The following CNBD1 variants were observed in gnomAD, a reference collection of about 807,000 sequenced individuals.
CNBD1 encodes the protein cyclic nucleotide binding domain containing 1.
A neutral mutation model predicts 54.4 loss-of-function variants in CNBD1; 71 were observed. That is an observed-to-expected ratio of 1.30 (90% confidence interval 1.08 to 1.59). The LOEUF is 1.59. Ranked by LOEUF, CNBD1 falls within the 40% of genes most tolerant of loss-of-function variation. The pLI is 0.00. For synonymous variants in CNBD1, 182 were observed against 170.7 expected (o/e 1.07, Z -0.51); for missense variants, 659 against 518.0 (o/e 1.27, Z -2.64).
chr8:87,190,886 CGTATAT>C (rs1813592051), intron 4 of CNBD1, among the ~76,000 whole-genome samples: 1 of 132,174 alleles, frequency 7.6e-6, no homozygotes, highest in Admixed American at 7.5e-5. Flanking sequence ...GATACATGTA[CGTATAT>C]CTATTTAGAT....
intron 1 of CNBD1, among the ~76,000 whole-genome samples, chr8:86,871,338 T>C (rs1457743760): frequency 6.6e-6 from 1 of 152,224 alleles, no homozygotes; most frequent in Non-Finnish European, 1.5e-5. Context: ...TTCAGACAAC[T>C]GAAGATGCTG....
At position 87,393,624 on chromosome 8, in the gene CNBD1, G is replaced by C. The variant is rs571695146; in HGVS notation, c.214-34922G>C. Among the ~76,000 whole-genome samples, 4 of 151,894 alleles carry C rather than the reference G, an allele frequency of 2.6e-5. No individual in the cohort carries two copies. The South Asian group carries it at 8.3e-4, about 32-fold the overall frequency. ...AATAAAAAGTAAGTGACAACCAAAT[G>C]ATAGAAATATAAAAGTACAAAGAGA... On this transcript the variant is annotated intron_variant, in intron 2 of 7. Coordinates refer to the CNBD1 transcript ENST00000521593.
intron 4 of CNBD1, among the ~76,000 whole-genome samples, chr8:87,185,265 T>A (rs1813449935): frequency 6.6e-6 from 1 of 152,244 alleles, no homozygotes; most frequent in Non-Finnish European, 1.5e-5. Context: ...TTTCTATTTT[T>A]CTATCAATTC....
At chr8:87,313,417 G>C (rs1809311565) in intron 8 of CNBD1, among the ~76,000 whole-genome samples, 1 of 152,008 alleles carries the variant, frequency 6.6e-6, no homozygotes, top group South Asian at 2.1e-4. Flanking sequence ...TTACACTCAA[G>C]AAGTACTGTG....
At chr8:87,244,939 A>T (rs980573368) in intron 6 of CNBD1, among the ~76,000 whole-genome samples, 1 of 152,282 alleles carries the variant, frequency 6.6e-6, no homozygotes, top group South Asian at 2.1e-4. Flanking sequence ...ATCTAAACTG[A>T]TGTTTAAAAT....
chr8:86,977,261 A>AATGAAGTTTTC (rs58114759), intron 4 of CNBD1, among the ~76,000 whole-genome samples: 3 of 151,918 alleles, frequency 2.0e-5, no homozygotes, highest in East Asian at 3.9e-4. Flanking sequence ...TTCTCAGGCT[A>AATGAAGTTTTC]TGCCATTATT....
chr8:87,261,919 G>A (rs1405521354), intron 6 of CNBD1, among the ~76,000 whole-genome samples: 2 of 152,060 alleles, frequency 1.3e-5, no homozygotes, highest in African/African-American at 4.8e-5. Context: ...GCTGAGGCAG[G>A]GAGATTGCTT....
chr8:86,937,958 C>A (rs1196002519), intron 3 of CNBD1, among the ~76,000 whole-genome samples: 1 of 152,152 alleles, frequency 6.6e-6, no homozygotes, highest in Non-Finnish European at 1.5e-5. Flanking sequence ...CTCTGCTTCC[C>A]TTTTAAACAT....
intron 4 of CNBD1, among the ~76,000 whole-genome samples, chr8:87,075,855 G>T (rs1353095567): frequency 5.3e-5 from 8 of 152,174 alleles, no homozygotes; most frequent in Non-Finnish European, 8.8e-5. Context: ...TGCCTAGACT[G>T]AACCCCTGGG....
intron 4 of CNBD1, among the ~76,000 whole-genome samples, chr8:86,950,218 G>A (rs371012997): frequency 1.5e-4 from 22 of 151,300 alleles, no homozygotes; most frequent in African/African-American, 3.6e-4. Flanking sequence ...GTGCCACCAC[G>A]CCTGGCAAAT....
At chr8:87,240,391 A>G (rs1807669958) in intron 6 of CNBD1, among the ~76,000 whole-genome samples, 1 of 152,282 alleles carries the variant, frequency 6.6e-6, no homozygotes, top group South Asian at 2.1e-4. Flanking sequence ...AAATTATAAA[A>G]TAGTAATTTT....
At chr8:87,367,981 G>C (rs1328005078) in intron 10 of CNBD1, among the ~76,000 whole-genome samples, 1 of 151,988 alleles carries the variant, frequency 6.6e-6, no homozygotes, top group African/African-American at 2.4e-5. Flanking sequence ...TACCAACATG[G>C]TGAAACCCAA....
intron 4 of CNBD1, among the ~76,000 whole-genome samples, chr8:87,073,055 A>G (rs868385917): frequency 6.6e-6 from 1 of 151,562 alleles, no homozygotes; most frequent in Non-Finnish European, 1.5e-5. Flanking sequence ...GTCCTATTCC[A>G]GAAAGATAGT....
intron 8 of CNBD1, among the ~76,000 whole-genome samples, chr8:87,318,980 T>C (rs537401646): frequency 6.6e-5 from 10 of 152,096 alleles, no homozygotes; most frequent in African/African-American, 2.4e-4. Context: ...GAAATAAACT[T>C]GGAGCAAGAA....
Position 87,279,032 on chromosome 8 carries a change from A to C in CNBD1, c.772-5646A>C, listed in dbSNP as rs1808537466. Among the ~76,000 whole-genome samples the C allele has an allele frequency of 2.0e-5, 3 of 151,248 alleles. No homozygotes were observed. The Admixed American group carries it at 2.0e-4, about 10-fold the overall frequency. Reference sequence around the variant, plus strand: ...TTTTTTCTAAATTTATAATTTTTCTATTTAATTAATAGTTATTTTTGTTAA... The same window carrying C: ...TTTTTTCTAAATTTATAATTTTTCTCTTTAATTAATAGTTATTTTTGTTAA... On this transcript the variant is annotated intron_variant, in intron 6 of 10. Transcript: ENST00000518476.
chr8:87,261,135 G>T lies in CNBD1; in HGVS notation c.772-23543G>T, dbSNP rs149914241. ...GACAGTTAATTCCCAAATACAATTT[G>T]TTCCCGGACCCAGTCCAGTTTCTAT... On this transcript the variant is annotated intron_variant, in intron 6 of 10. Coordinates refer to ENST00000518476, the MANE Select transcript of CNBD1 (RefSeq NM_173538.3). Among the ~76,000 whole-genome samples the T allele has an allele frequency of 9.2e-3, 1,399 of 152,216 alleles. 8 individuals are homozygous for T. Among genetic ancestry groups the T allele is most frequent in the South Asian group, 0.023 (113 of 4,822 alleles).
intron 8 of CNBD1, among the ~76,000 whole-genome samples, chr8:87,341,481 T>C (rs144118040): frequency 2.0e-5 from 3 of 152,258 alleles, no homozygotes; most frequent in African/African-American, 7.2e-5. Flanking sequence ...GACAAGAGGG[T>C]AGTGTAAACT....
chr8:87,384,169 C>A (rs5026455), downstream of CNBD1, among the ~76,000 whole-genome samples: 8 of 152,062 alleles, frequency 5.3e-5, no homozygotes, highest in South Asian at 2.1e-4. Flanking sequence ...TGTGTTATTT[C>A]CATGCACCAT....
At chr8:87,413,764 T>C (rs1254176276) in intron 2 of CNBD1, among the ~76,000 whole-genome samples, 3 of 144,722 alleles carry the variant, frequency 2.1e-5, no homozygotes, top group African/African-American at 7.7e-5. Flanking sequence ...AAAAAACACA[T>C]GAAAAAATGC....
Sources: gnomAD v4.1 joint callset for allele counts (sites outside exome capture counted in the v4.1 genomes callset) on GRCh38, gnomAD v4.1.1 for gene constraint, MANE v1.5 for transcripts, NCBI Gene and HGNC (gene_info 2026-07-23, HGNC 2026-07-21) for gene names.